CCBE1: variants seen among roughly 807,000 people sequenced by gnomAD.
The protein encoded by CCBE1 is collagen and calcium-binding EGF domain-containing protein 1.
A neutral mutation model predicts 50.0 loss-of-function variants in CCBE1; 37 were observed. The observed-to-expected ratio is 0.74, with a 90% CI of 0.57 to 0.97. CCBE1 has a LOEUF of 0.97. Ranked by LOEUF, CCBE1 falls within the 50% of genes least tolerant of loss-of-function variation. The pLI is 0.00. For synonymous variants in CCBE1, 234 were observed against 203.7 expected, an observed-to-expected ratio of 1.15 and a Z score of -1.27; for missense variants, 538 against 523.8, an observed-to-expected ratio of 1.03 and a Z score of -0.26.
intron 2 of CCBE1, among the ~76,000 whole-genome samples, chr18:59,591,072 G>A (rs1437554185): frequency 1.1e-5 from 1 of 87,564 alleles, no homozygotes; most frequent in Non-Finnish European, 2.0e-5. Context: ...GTGAAACCCC[G>A]TCTCTACTAA....
chr18:59,465,853 A>T (rs1197013337), intron 5 of CCBE1, among the ~76,000 whole-genome samples: 2 of 152,144 alleles, frequency 1.3e-5, no homozygotes, highest in African/African-American at 4.8e-5. Context: ...TAGTTTGTCT[A>T]AACACATATC....
intron 3 of CCBE1, among the ~76,000 whole-genome samples, chr18:59,473,018 T>C (rs1010767837): frequency 6.6e-6 from 1 of 152,172 alleles, no homozygotes; most frequent in Non-Finnish European, 1.5e-5. Context: ...CACCTGGCCC[T>C]GCCCTTGACA....
chr18:59,563,104 C>G (rs2144457230), intron 2 of CCBE1, among the ~76,000 whole-genome samples: 2 of 152,344 alleles, frequency 1.3e-5, no homozygotes, highest in South Asian at 4.1e-4. Context: ...ACCCTTACAA[C>G]CCCACCAGGT....
intron 2 of CCBE1, among the ~76,000 whole-genome samples, chr18:59,547,075 G>C (rs1406129636): frequency 8.7e-6 from 1 of 115,032 alleles, no homozygotes; most frequent in African/African-American, 3.6e-5. Context: ...GAGAGAGGGG[G>C]AGAGAAAGGG....
intron 2 of CCBE1, among the ~76,000 whole-genome samples, chr18:59,683,177 G>C (rs1366251008): frequency 6.6e-6 from 1 of 152,146 alleles, no homozygotes; most frequent in Non-Finnish European, 1.5e-5. Context: ...GAGTGTGAGT[G>C]AAACTCTCAC....
intron 2 of CCBE1, among the ~76,000 whole-genome samples, chr18:59,676,538 A>G (rs1010595482): frequency 3.3e-5 from 5 of 152,220 alleles, no homozygotes; most frequent in African/African-American, 1.2e-4. Flanking sequence ...ACATGCCTCT[A>G]TTTCAGAGGA....
intron 2 of CCBE1, among the ~76,000 whole-genome samples, chr18:59,579,806 T>C (rs1310463095): frequency 6.6e-6 from 1 of 152,192 alleles, no homozygotes; most frequent in Admixed American, 6.5e-5. Context: ...TTTACTTTAC[T>C]GGCACATGCT....
At chr18:59,448,213 C>T in intron 6 of CCBE1, 110 bp from the exon 7 acceptor site, 10 of 1,476,240 alleles carry the variant, frequency 6.8e-6, no homozygotes, top group Non-Finnish European at 9.2e-6. Context: ...TATGTATATA[C>T]TTTTTACTAG....
intron 2 of CCBE1, among the ~76,000 whole-genome samples, chr18:59,683,000 C>A (rs1238465799): frequency 6.6e-6 from 1 of 152,192 alleles, no homozygotes; most frequent in Admixed American, 6.5e-5. Context: ...CCTCTGTCTT[C>A]TTTTTTCCAA....
intron 5 of CCBE1, chr18:59,455,171 G>T (rs1380477540): frequency 3.1e-6 from 2 of 647,432 alleles, no homozygotes; most frequent in African/African-American, 3.6e-5. Flanking sequence ...TAGAAGCTGG[G>T]CTCAGCTGTT....
intron 2 of CCBE1, among the ~76,000 whole-genome samples, chr18:59,672,706 G>A (rs1037239705): frequency 3.3e-5 from 5 of 152,204 alleles, no homozygotes; most frequent in African/African-American, 9.7e-5. Flanking sequence ...ACAATTGTGA[G>A]CAAGAGAATA....
chr18:59,592,905 T>G (rs1466686647), intron 2 of CCBE1, among the ~76,000 whole-genome samples: 1 of 150,842 alleles, frequency 6.6e-6, no homozygotes, highest in Non-Finnish European at 1.5e-5. Flanking sequence ...GTAAGGGGGG[T>G]TTAAAAATAA....
intron 2 of CCBE1, among the ~76,000 whole-genome samples, chr18:59,639,830 C>T (rs1023417879): frequency 1.1e-4 from 17 of 152,096 alleles, no homozygotes; most frequent in Admixed American, 2.0e-4. Flanking sequence ...AAATCAGTAG[C>T]GTTCCTATAT....
intron 2 of CCBE1, among the ~76,000 whole-genome samples, chr18:59,616,317 G>A (rs1261602994): frequency 2.0e-5 from 3 of 152,208 alleles, no homozygotes; most frequent in Non-Finnish European, 1.5e-5. Flanking sequence ...AGGCGGCCCT[G>A]AAAAATGATG....
At chr18:59,449,400 T>A (rs1910824724) in intron 6 of CCBE1, among the ~76,000 whole-genome samples, 1 of 150,188 alleles carries the variant, frequency 6.7e-6, no homozygotes, top group Non-Finnish European at 1.5e-5. Context: ...GGCAGGTGGA[T>A]CACTTGAGGT....
At chr18:59,536,851 G>T (rs1328570939) in intron 2 of CCBE1, among the ~76,000 whole-genome samples, 1 of 152,026 alleles carries the variant, frequency 6.6e-6, no homozygotes, top group Non-Finnish European at 1.5e-5. Context: ...CATTAGCTGG[G>T]CTTGGTGGCA....
chr18:59,580,936 A>G (rs2053075424), intron 2 of CCBE1, among the ~76,000 whole-genome samples: 1 of 152,112 alleles, frequency 6.6e-6, no homozygotes, highest in Non-Finnish European at 1.5e-5. Context: ...ATTAGAAGCC[A>G]TCTCTCCCGT....
At chr18:59,459,701 T>A (rs1041784717) in intron 5 of CCBE1, among the ~76,000 whole-genome samples, 2 of 152,190 alleles carry the variant, frequency 1.3e-5, no homozygotes, top group Non-Finnish European at 2.9e-5. Context: ...GAACAAAGCA[T>A]GTTTGTGTTT....
intron 2 of CCBE1, among the ~76,000 whole-genome samples, chr18:59,493,018 G>A (rs1913182947): frequency 6.6e-6 from 1 of 152,216 alleles, no homozygotes; most frequent in Non-Finnish European, 1.5e-5. Flanking sequence ...CCTTTCTGCT[G>A]CAGTTCACTG....
Sources: gnomAD v4.1 joint callset for allele counts (sites outside exome capture counted in the v4.1 genomes callset) on GRCh38, gnomAD v4.1.1 for gene constraint, MANE v1.5 for transcripts, NCBI Gene and HGNC (gene_info 2026-07-23, HGNC 2026-07-21) for gene names.